The following RHOJ variants were observed in gnomAD, a reference collection of about 807,000 sequenced individuals.
The protein encoded by RHOJ is ras homolog family member J.
A neutral mutation model predicts 23.4 loss-of-function variants in RHOJ; 11 were observed. The ratio of observed to expected loss-of-function variants is 0.47; its 90% CI spans 0.30 to 0.78. The LOEUF is 0.78. RHOJ is among the 30% of genes least tolerant of loss of function. The probability of loss-of-function intolerance (pLI) is 0.08; values close to 1 mark genes in which losing one functional copy is unlikely to be tolerated. For missense variants in RHOJ, 254 were observed against 273.4 expected (o/e 0.93, Z 0.50); for synonymous variants, 102 against 102.7 (o/e 0.99, Z 0.04).
intron 1 of RHOJ, among the ~76,000 whole-genome samples, chr14:63,231,257 C>T (rs762220403): frequency 1.3e-5 from 2 of 152,132 alleles, no homozygotes; most frequent in Non-Finnish European, 2.9e-5. Context: ...GTATCCATCC[C>T]TACCTTTTTC....
In RHOJ at chr14:63,217,206, T is replaced by C. The variant is rs556952254; in HGVS notation, c.178+12159T>C. 1.3e-3 allele frequency among the ~76,000 whole-genome samples: 195 copies of C among 151,028 alleles called. 1 individual carries two copies. The highest frequency in any genetic ancestry group is 1.9e-3 in the Non-Finnish European group (126 of 67,666). ...CACCCACTAACTCGTCATCTAGCAT[T>C]AGGTATATCTCCCAATGCTATCCCT... On this transcript the variant is annotated intron_variant, in intron 1 of 4. Transcript: ENST00000316754.
At chr14:63,260,988 T>C (rs1400791803) in intron 1 of RHOJ, among the ~76,000 whole-genome samples, 1 of 152,178 alleles carries the variant, frequency 6.6e-6, no homozygotes, top group South Asian at 2.1e-4. Flanking sequence ...AAAAGATGTT[T>C]CCTGTTTAGG....
At chr14:63,275,711 GA>G (rs764662714) in intron 2 of RHOJ, among the ~76,000 whole-genome samples, 13 of 152,148 alleles carry the variant, frequency 8.5e-5, no homozygotes, top group Non-Finnish European at 1.9e-4. Context: ...GTCTCTTCAA[GA>G]AGCAAATAAG....
intron 2 of RHOJ, among the ~76,000 whole-genome samples, chr14:63,280,466 CATG>C (rs1881863301): frequency 6.6e-6 from 1 of 152,078 alleles, no homozygotes; most frequent in African/African-American, 2.4e-5. Context: ...TAATATACAG[CATG>C]ATAACTATAG....
At chr14:63,286,319 T>C (rs1377993451) in intron 4 of RHOJ, among the ~76,000 whole-genome samples, 3 of 152,160 alleles carry the variant, frequency 2.0e-5, no homozygotes, top group Non-Finnish European at 2.9e-5. Flanking sequence ...ATCTGGGCAA[T>C]GTACCAGGTA....
intron 1 of RHOJ, among the ~76,000 whole-genome samples, chr14:63,224,950 A>G (rs1894561934): frequency 9.4e-6 from 1 of 106,344 alleles, no homozygotes; most frequent in Non-Finnish European, 1.8e-5. Context: ...TATCATTTAT[A>G]CTTTTTTTTT....
intron 1 of RHOJ, among the ~76,000 whole-genome samples, chr14:63,232,885 A>G (rs937116973): frequency 1.3e-5 from 2 of 151,930 alleles, no homozygotes. Context: ...TTGCAGAGAT[A>G]GGGTTTCACC....
chr14:63,282,438 G>A (rs542243842), intron 3 of RHOJ, among the ~76,000 whole-genome samples: 1 of 152,040 alleles, frequency 6.6e-6, no homozygotes, highest in East Asian at 1.9e-4. Context: ...ACATGGATTC[G>A]CATACACAGT....
At chr14:63,208,871 G>C (rs1894171065) in intron 1 of RHOJ, among the ~76,000 whole-genome samples, 1 of 151,946 alleles carries the variant, frequency 6.6e-6, no homozygotes, top group Non-Finnish European at 1.5e-5. Flanking sequence ...TATCTAATAG[G>C]CATCTCATTC....
chr14:63,207,659 A>G (rs892171373), intron 1 of RHOJ, among the ~76,000 whole-genome samples: 2 of 152,222 alleles, frequency 1.3e-5, no homozygotes, highest in Admixed American at 6.5e-5. Context: ...TAAAATAGTA[A>G]GGATGGAAAT....
intron 4 of RHOJ, 137 bp downstream of exon 4, chr14:63,283,353 C>A: frequency 1.4e-6 from 1 of 732,068 alleles, no homozygotes; most frequent in South Asian, 1.6e-5. Flanking sequence ...TTTCTATTCT[C>A]CCCCTCTGTT....
chr14:63,290,771 T>G lies in RHOJ; in HGVS notation c.499-107T>G, dbSNP rs1882223529. On this transcript the variant is annotated intron_variant, in intron 4 of 4. Coordinates refer to ENST00000316754, the MANE Select transcript of RHOJ (RefSeq NM_020663.5). ...ACATAATCCAAACCACCCCACAGGC[T>G]GTTTGTAGGACAGGCAGAAGTAAGT... is the stretch of plus-strand genomic sequence containing the variant. The G allele has an allele frequency of 6.8e-6, 7 of 1,028,690 alleles. No individual in the cohort carries two copies. The South Asian group carries it at 8.7e-5, about 13-fold the overall frequency. The allele number at this position is 1,028,690 out of a possible 1,614,324, so 63.7% of individuals were successfully genotyped here. A position where few individuals can be genotyped will look rare whatever the true frequency, so the allele number is the denominator to read the frequency against.
chr14:63,249,617 G>C (rs1350174290), intron 1 of RHOJ, among the ~76,000 whole-genome samples: 1 of 152,156 alleles, frequency 6.6e-6, no homozygotes, highest in East Asian at 1.9e-4. Context: ...ACTGAAAATA[G>C]CTCCATTTGA....
intron 2 of RHOJ, among the ~76,000 whole-genome samples, chr14:63,269,640 G>A (rs181951766): frequency 8.4e-4 from 128 of 152,220 alleles, no homozygotes; most frequent in Non-Finnish European, 1.5e-3. Context: ...GATGGATTAC[G>A]TGTTGGAAGG....
intron 4 of RHOJ, among the ~76,000 whole-genome samples, chr14:63,283,857 T>A (rs1881987467): frequency 6.6e-6 from 1 of 152,098 alleles, no homozygotes; most frequent in Non-Finnish European, 1.5e-5. Context: ...GTTAAGAAAA[T>A]GCTTTAGAAA....
At chr14:63,233,158 AAGAG>A (rs1177383236) in intron 1 of RHOJ, among the ~76,000 whole-genome samples, 1 of 152,182 alleles carries the variant, frequency 6.6e-6, no homozygotes, top group Non-Finnish European at 1.5e-5. Context: ...AATGAAAAAA[AAGAG>A]AGGGCTTTGT....
chr14:63,244,111 A>G (rs1438495280), intron 1 of RHOJ, among the ~76,000 whole-genome samples: 1 of 152,226 alleles, frequency 6.6e-6, no homozygotes, highest in Non-Finnish European at 1.5e-5. Flanking sequence ...CACAGGGATG[A>G]TAGAGCTTCG....
chr14:63,230,653 T>G (rs1016065549), intron 1 of RHOJ, among the ~76,000 whole-genome samples: 3 of 151,338 alleles, frequency 2.0e-5, no homozygotes, highest in Non-Finnish European at 4.4e-5. Context: ...TATTTTTCAG[T>G]AGAATTTATC....
chr14:63,261,277 A>C, intron 1 of RHOJ, among the ~76,000 whole-genome samples: 1 of 152,124 alleles, frequency 6.6e-6, no homozygotes, highest in Admixed American at 6.5e-5. Flanking sequence ...TTATGTATCA[A>C]AGATATAATC....
Sources: gnomAD v4.1 joint callset for allele counts (sites outside exome capture counted in the v4.1 genomes callset) on GRCh38, gnomAD v4.1.1 for gene constraint, MANE v1.5 for transcripts, NCBI Gene and HGNC (gene_info 2026-07-23, HGNC 2026-07-21) for gene names.